Variants in LAT2 observed in about 807,000 individuals in gnomAD.
LAT2 encodes linker for activation of T-cells family member 2.
Under a neutral mutation model 43.4 loss-of-function variants are expected in LAT2, and 23 were observed. The ratio of observed to expected loss-of-function variants is 0.53; its 90% CI spans 0.38 to 0.75. LAT2 has a LOEUF of 0.75. LAT2 is among the 30% of genes least tolerant of loss of function. The pLI is 0.00. For synonymous variants in LAT2, 128 were observed against 123.2 expected, an observed-to-expected ratio of 1.04 and a Z score of -0.26; for missense variants, 284 against 310.2, an observed-to-expected ratio of 0.92 and a Z score of 0.64.
At chr7:74,222,148 G>A (rs1430465234) in intron 10 of LAT2, among the ~76,000 whole-genome samples, 1 of 151,286 alleles carries the variant, frequency 6.6e-6, no homozygotes, top group East Asian at 2.0e-4. Flanking sequence ...CACTTTGGGA[G>A]GCTAAGGTGG....
intron 1 of LAT2, among the ~76,000 whole-genome samples, chr7:74,213,455 C>A (rs566085484): frequency 3.2e-5 from 4 of 126,338 alleles, no homozygotes; most frequent in Non-Finnish European, 6.5e-5. Context: ...GATGGAGTCT[C>A]GCTCTGTTGC....
chr7:74,215,939 C>T lies in LAT2; in HGVS notation c.-29-8C>T, dbSNP rs369533604. The T allele has an allele frequency of 3.8e-6, 6 of 1,594,736 alleles. No individual in the cohort carries two copies. Among genetic ancestry groups the T allele is most frequent in the Non-Finnish European group, 5.2e-6 (6 of 1,162,562 alleles). ...GGGCCCCTTGCTCACGGGCACCTCC[C>T]ATTTCAGCATCACAAGAGGCAACAC... is the stretch of plus-strand genomic sequence containing the variant. On this transcript the variant is annotated splice_region_variant and splice_polypyrimidine_tract_variant and intron_variant, in intron 2 of 13. Transcript: ENST00000460943.
chr7:74,214,687 A>G (rs1554713928), intron 1 of LAT2, 135 bp from the exon 2 acceptor site: 1 of 92,340 alleles, frequency 1.1e-5, no homozygotes, highest in East Asian at 2.9e-4. Flanking sequence ...TATATATGAA[A>G]ATAATATATA....
At chr7:74,223,591 C>A (rs1228150620) in intron 10 of LAT2, 133 bp from the exon 11 acceptor site, 5 of 793,500 alleles carry the variant, frequency 6.3e-6, no homozygotes, top group Non-Finnish European at 1.1e-5. Flanking sequence ...GGCTTGAGGT[C>A]CCGGGGGACC....
intron 2 of LAT2, 30 bp from the exon 3 acceptor site, chr7:74,215,917 C>T: frequency 6.6e-7 from 1 of 1,503,800 alleles, no homozygotes; most frequent in Non-Finnish European, 9.3e-7. Flanking sequence ...GAAAAAGGGG[C>T]CCCTTGCTCA....
Position 74,229,356 on chromosome 7 carries a change from C to CT in LAT2, c.*433dup, listed in dbSNP as rs2116217586. On this transcript the variant is annotated 3_prime_UTR_variant, in exon 14 of 14. Transcript: ENST00000460943. Reference sequence around the variant, plus strand: ...GCTGGGGTTTTAAATGATTGATAAGCTTGTACAGTTAACTTATAGAGGGGG... The same window carrying CT: ...GCTGGGGTTTTAAATGATTGATAAGCTTTGTACAGTTAACTTATAGAGGGGG... The CT allele has an allele frequency of 1.3e-5, 2 of 152,778 alleles. No individual in the cohort carries two copies. The highest frequency in any genetic ancestry group is 4.1e-4 in the South Asian group (2 of 4,826). The allele number at this position is 152,778 out of a possible 1,614,324, so 9.5% of individuals were successfully genotyped here.
At chr7:74,223,285 G>T (rs371269661) in intron 10 of LAT2, among the ~76,000 whole-genome samples, 1 of 152,312 alleles carries the variant, frequency 6.6e-6, no homozygotes, top group East Asian at 1.9e-4. Context: ...AAGCTTAGGG[G>T]TTCAAGACCA....
chr7:74,224,377 C>T (rs973798989), intron 12 of LAT2, among the ~76,000 whole-genome samples, 180 bp downstream of exon 12: 48 of 152,296 alleles, frequency 3.2e-4, no homozygotes, highest in African/African-American at 1.1e-3. Context: ...TGGCAGCCGC[C>T]CAGCCTCCAG....
chr7:74,219,055 A>G (rs1584218185), intron 4 of LAT2, among the ~76,000 whole-genome samples: 1 of 94,842 alleles, frequency 1.1e-5, no homozygotes, highest in African/African-American at 4.2e-5. Flanking sequence ...TTTGAGACGG[A>G]GTCTCGCTCT....
At chr7:74,223,818 G>A (rs1395830317) in intron 11 of LAT2, 35 bp downstream of exon 11, 4 of 1,603,682 alleles carry the variant, frequency 2.5e-6, no homozygotes, top group African/African-American at 1.3e-5. Context: ...GCTGGGGCTG[G>A]GAGCAGCAGG....
chr7:74,223,104 A>G (rs75298591), intron 10 of LAT2, among the ~76,000 whole-genome samples: 4,939 of 151,912 alleles, frequency 0.033, 281 homozygotes, highest in African/African-American at 0.11. Flanking sequence ...ATAGAGATGA[A>G]CCCCTGAGGC....
intron 13 of LAT2, among the ~76,000 whole-genome samples, chr7:74,228,644 A>T (rs2116214049): frequency 6.8e-6 from 1 of 146,906 alleles, no homozygotes; most frequent in South Asian, 2.2e-4. Flanking sequence ...AAAAAAAAAA[A>T]AAATTAGCTG....
chr7:74,214,402 G>A (rs1480392547), intron 1 of LAT2, among the ~76,000 whole-genome samples: 220 of 32,596 alleles, frequency 6.7e-3, no homozygotes, highest in Middle Eastern at 0.042. Context: ...ATATATATAT[G>A]AAAATATATA....
intron 4 of LAT2, among the ~76,000 whole-genome samples, chr7:74,217,159 C>T (rs979296563): frequency 3.3e-5 from 5 of 152,068 alleles, no homozygotes; most frequent in South Asian, 2.1e-4. Flanking sequence ...TGGCCAGGCA[C>T]GATGGTTCAC....
chr7:74,213,366 CCG>C (rs1439793561), intron 1 of LAT2, among the ~76,000 whole-genome samples: 3 of 151,720 alleles, frequency 2.0e-5, no homozygotes, highest in Non-Finnish European at 4.4e-5. Flanking sequence ...CATGAACCAC[CCG>C]CCTCAGCCTC....
At chr7:74,221,757 C>A in intron 10 of LAT2, 65 bp downstream of exon 10, 1 of 1,414,586 alleles carries the variant, frequency 7.1e-7, no homozygotes, top group Non-Finnish European at 9.9e-7. Flanking sequence ...GAAGCCATAC[C>A]TCCAGGCAGG....
intron 10 of LAT2, among the ~76,000 whole-genome samples, chr7:74,223,465 G>C (rs1181381099): frequency 6.6e-6 from 1 of 152,126 alleles, no homozygotes; most frequent in Admixed American, 6.6e-5. Context: ...CTCCAGCCTG[G>C]GTGACAGAGC....
chr7:74,223,323 TAC>T (rs1331611577), intron 10 of LAT2, among the ~76,000 whole-genome samples: 2 of 152,196 alleles, frequency 1.3e-5, no homozygotes, highest in Non-Finnish European at 2.9e-5. Flanking sequence ...AGATCCTCTC[TAC>T]AAACAATTTT....
chr7:74,227,675 CA>C (rs1255101185), intron 13 of LAT2, among the ~76,000 whole-genome samples: 1 of 152,100 alleles, frequency 6.6e-6, no homozygotes, highest in Non-Finnish European at 1.5e-5. Flanking sequence ...GCAGTGGAGA[CA>C]GGGGTAGGCA....
Sources: allele counts gnomAD v4.1 joint callset (sites outside exome capture counted in the v4.1 genomes callset), GRCh38; gene constraint gnomAD v4.1.1; transcripts MANE v1.5; gene names NCBI Gene and HGNC (gene_info 2026-07-23, HGNC 2026-07-21).